Variants in RAB11FIP5 observed in about 807,000 individuals in gnomAD.
RAB11FIP5 encodes the protein rab11 family-interacting protein 5.
In RAB11FIP5, 48 loss-of-function variants were observed where a neutral mutation model predicts 85.1. That is an observed-to-expected ratio of 0.56 (90% CI 0.45 to 0.72). RAB11FIP5 has a LOEUF of 0.72. Ranked by LOEUF, RAB11FIP5 falls within the 30% of genes least tolerant of loss-of-function variation. The pLI is 0.00. For missense variants in RAB11FIP5, 1,491 were observed against 1,687.0 expected, an observed-to-expected ratio of 0.88 and a Z score of 2.04; for synonymous variants, 729 against 727.3, an observed-to-expected ratio of 1.00 and a Z score of -0.04.
chr2:73,107,630 C>T (rs1296827003), intron 1 of RAB11FIP5, among the ~76,000 whole-genome samples: 1 of 152,182 alleles, frequency 6.6e-6, no homozygotes, highest in Non-Finnish European at 1.5e-5. Flanking sequence ...AGGAGTCACA[C>T]TTCCTACCCC....
chr2:73,112,652 G>A lies in RAB11FIP5; in HGVS notation c.126C>T (p.Ser42=). 6.3e-7 allele frequency: 1 copy of A among 1,598,468 alleles called. No individual in the cohort carries two copies. Among genetic ancestry groups the A allele is most frequent in the African/African-American group, 1.4e-5 (1 of 73,324 alleles). The change falls in exon 1 of 6, where the codon AGC becomes AGT. Residue 42 remains serine (S), a synonymous_variant. Coordinates refer to ENST00000486777, the MANE Select transcript of RAB11FIP5 (RefSeq NM_001371272.1). ...RGKSSGAGST[S]DAYTVIQVGR... is the part of the protein sequence containing the mutation. ...CCACCTGGATCACCGTGTACGCGTC[G>A]CTGGTGCTGCCCGCTCCCGAGCTCT...
intron 3 of RAB11FIP5, among the ~76,000 whole-genome samples, chr2:73,082,336 C>G (rs779349124): frequency 5.3e-5 from 8 of 152,108 alleles, no homozygotes; most frequent in Non-Finnish European, 7.4e-5. Context: ...AAAGAAAACA[C>G]CAGCTGGCAT....
chr2:73,111,133 C>T (rs1684648371), intron 1 of RAB11FIP5, among the ~76,000 whole-genome samples: 1 of 152,108 alleles, frequency 6.6e-6, no homozygotes, highest in Admixed American at 6.5e-5. Flanking sequence ...CAGGTCACAG[C>T]CATGCCTGGA....
chr2:73,088,038 C>A lies in RAB11FIP5; in HGVS notation c.1568+12G>T. The A allele has an allele frequency of 6.3e-7, 1 of 1,575,806 alleles. No homozygotes were observed. Reference sequence around the variant, plus strand: ...TCCCCAAGGAGCAAAGTTGGTCTTGCCAACGACTTACCTGGGTTTCTGAGT... The same window carrying A: ...TCCCCAAGGAGCAAAGTTGGTCTTGACAACGACTTACCTGGGTTTCTGAGT... On this transcript the variant is annotated intron_variant, in intron 3 of 5. Coordinates refer to ENST00000486777, the MANE Select transcript of RAB11FIP5 (RefSeq NM_001371272.1).
chr2:73,089,458 G>T lies in RAB11FIP5; in HGVS notation c.432-143C>A. The T allele has an allele frequency of 1.2e-6, 1 of 846,062 alleles. No individual in the cohort carries two copies. Among genetic ancestry groups the T allele is most frequent in the Non-Finnish European group, 2.0e-6 (1 of 497,982 alleles). The allele number at this position is 846,062 out of a possible 1,614,324, so 52.4% of individuals were successfully genotyped here. On this transcript the variant is annotated intron_variant, in intron 1 of 5. Transcript: ENST00000486777. The surrounding 1 kb of genome is among the most constrained non-coding windows in gnomAD (Gnocchi z 4.6). Reference sequence around the variant, plus strand: ...CCAAAGGCTCCTGCTCTGACCCATCGGCCTGGGCTTCCAGGCTTCAGATGC... The same window carrying T: ...CCAAAGGCTCCTGCTCTGACCCATCTGCCTGGGCTTCCAGGCTTCAGATGC...
intron 1 of RAB11FIP5, among the ~76,000 whole-genome samples, chr2:73,111,967 C>T (rs756634511): frequency 2.0e-5 from 3 of 152,124 alleles, no homozygotes; most frequent in Non-Finnish European, 2.9e-5. Flanking sequence ...GCCCGCAGTT[C>T]CCCTCCCCTT....
At position 73,080,366 on chromosome 2, in the gene RAB11FIP5, G is replaced by A. The variant is rs200570782; in HGVS notation, c.2866C>T (p.Arg956Cys). Reference protein sequence around the residue: ...PPETKEEGEKRESEESDSCSS... With the variant: ...PPETKEEGEKCESEESDSCSS... ...CAGCTGTCAGACTCCTCCGACTCACGCTTCTCTCCCTCCTCCTTGGTCTCC... is the reference window on the plus strand; with the variant it reads ...CAGCTGTCAGACTCCTCCGACTCACACTTCTCTCCCTCCTCCTTGGTCTCC... Residue 956 changes from arginine (R) to cysteine (C), a missense_variant, in exon 4 of 6, where the codon CGT (arginine) becomes TGT (cysteine). By Grantham distance (180) the Arg-to-Cys change is radical (BLOSUM62 -3). Around this residue, in one of 3 missense-constraint regions of RAB11FIP5, gnomAD observed 1,211 missense variants for 1,338.0 expected, o/e 0.91. Transcript: ENST00000486777. 27 of 1,232,766 alleles carry A rather than the reference G, an allele frequency of 2.2e-5. No homozygotes were observed. In the East Asian group the frequency reaches 2.8e-4, roughly 13 times the overall value. 76.4% of individuals were successfully genotyped at this position (1,232,766 alleles called of 1,614,324 possible).
Position 73,089,974 on chromosome 2 carries a change from G to A in RAB11FIP5, c.432-659C>T, listed in dbSNP as rs563595096. Reference sequence around the variant, plus strand: ...TCAGGAATACCTCTACAAGATGCAGGAACAGACAAGAATGGCAGAAAGAGA... The same window carrying A: ...TCAGGAATACCTCTACAAGATGCAGAAACAGACAAGAATGGCAGAAAGAGA... On this transcript the variant is annotated intron_variant, in intron 1 of 5. Coordinates refer to ENST00000486777, the MANE Select transcript of RAB11FIP5 (RefSeq NM_001371272.1). This position sits in a 1 kb window ranked among gnomAD's most constrained non-coding sequence, Gnocchi z 4.6. Among the ~76,000 whole-genome samples the A allele has an allele frequency of 1.3e-5, 2 of 152,018 alleles. No individual in the cohort carries two copies. Among genetic ancestry groups the A allele is most frequent in the South Asian group, 2.1e-4 (1 of 4,812 alleles).
At chr2:73,099,302 G>C (rs1471060093) in intron 1 of RAB11FIP5, among the ~76,000 whole-genome samples, 3 of 151,964 alleles carry the variant, frequency 2.0e-5, no homozygotes, top group Admixed American at 2.0e-4. Context: ...TGCCCACCTC[G>C]GCCTCCCAAA....
At chr2:73,100,043 G>A (rs545635466) in intron 1 of RAB11FIP5, among the ~76,000 whole-genome samples, 20 of 152,290 alleles carry the variant, frequency 1.3e-4, no homozygotes, top group African/African-American at 4.8e-4. Context: ...TTCTAAAAGC[G>A]AAAGCAGGGC....
In RAB11FIP5 at chr2:73,077,984, G is replaced by T. The variant is rs1683896040; in HGVS notation, c.3581+1667C>A. Among the ~76,000 whole-genome samples, 2 of 152,238 alleles carry T rather than the reference G, an allele frequency of 1.3e-5. 1 individual carries two copies. Among genetic ancestry groups the T allele is most frequent in the South Asian group, 4.1e-4 (2 of 4,832 alleles). ...CCAGAGACTCTCAGGCTAGATCCAT[G>T]CATTCATTCTCACAAATCGGGAAGA... On this transcript the variant is annotated intron_variant, in intron 4 of 5. Transcript: ENST00000486777.
chr2:73,102,284 A>G (rs1684444665), intron 1 of RAB11FIP5, among the ~76,000 whole-genome samples: 1 of 152,142 alleles, frequency 6.6e-6, no homozygotes, highest in Admixed American at 6.5e-5. Context: ...GACTGACACT[A>G]TGCTGCAGGA....
At position 73,088,092 on chromosome 2, in the gene RAB11FIP5, C is replaced by A. The variant is rs751092757; in HGVS notation, c.1526G>T (p.Trp509Leu). The change falls in exon 3 of 6, where the codon TGG (tryptophan) becomes TTG (leucine). Residue 509 changes from tryptophan (W) to leucine (L), a missense_variant. Trp to Leu is a moderately conservative substitution (Grantham distance 61). Coordinates refer to ENST00000486777, the MANE Select transcript of RAB11FIP5 (RefSeq NM_001371272.1). ...SSGEEKAKSSWFGLREAKDPT... is the reference protein window; with the variant it reads ...SSGEEKAKSSLFGLREAKDPT... ...GTCCTTGGCTTCTCTCAAGCCAAACCAGCTACTCTTGGCCTTTTCCTCCCC... is the reference window on the plus strand; with the variant it reads ...GTCCTTGGCTTCTCTCAAGCCAAACAAGCTACTCTTGGCCTTTTCCTCCCC... 1.9e-6 allele frequency: 3 copies of A among 1,610,912 alleles called. No homozygotes were observed. The highest frequency in any genetic ancestry group is 2.5e-6 in the Non-Finnish European group (3 of 1,177,868).
intron 1 of RAB11FIP5, among the ~76,000 whole-genome samples, chr2:73,097,832 C>G (rs1484612136): frequency 1.3e-5 from 2 of 152,198 alleles, no homozygotes; most frequent in Non-Finnish European, 2.9e-5. Flanking sequence ...AGAAGATGCC[C>G]AACCAGATGT....
intron 1 of RAB11FIP5, among the ~76,000 whole-genome samples, chr2:73,107,203 C>T (rs1574306495): frequency 6.6e-6 from 1 of 152,204 alleles, no homozygotes; most frequent in Admixed American, 6.5e-5. Context: ...TTCATGGCTA[C>T]ACTATTTTGC....
chr2:73,087,331 C>G (rs1257453697), intron 3 of RAB11FIP5, among the ~76,000 whole-genome samples: 1 of 152,164 alleles, frequency 6.6e-6, no homozygotes, highest in East Asian at 1.9e-4. Flanking sequence ...AGGGTCTCTG[C>G]CCAGGGCCTG....
chr2:73,112,743 C>T lies in RAB11FIP5; in HGVS notation c.35G>A (p.Gly12Glu). 1 of 1,491,034 alleles carries T rather than the reference C, an allele frequency of 6.7e-7. No homozygotes were observed. Among genetic ancestry groups the T allele is most frequent in the African/African-American group, 1.5e-5 (1 of 68,630 alleles). 92.4% of individuals were successfully genotyped at this position (1,491,034 alleles called of 1,614,324 possible). The part of the protein sequence containing the change: ...ALVRGAEPAA[G>E]PSRWLPTHVQ... ...GTGCGTGGGCAGCCAGCGGGAAGGC[C>T]CCGCCGCCGGCTCCGCGCCCCGCAC... Residue 12 changes from glycine to glutamate, a missense_variant, in exon 1 of 6, where the codon GGG (glycine) becomes GAG (glutamate). Gly to Glu is a moderately conservative substitution (Grantham distance 98, BLOSUM62 -2). Around this residue, in one of 3 missense-constraint regions of RAB11FIP5, gnomAD observed 1,211 missense variants for 1,338.0 expected, o/e 0.91. Transcript: ENST00000486777.
intron 3 of RAB11FIP5, among the ~76,000 whole-genome samples, chr2:73,085,744 G>A (rs920333011): frequency 2.0e-5 from 3 of 152,064 alleles, no homozygotes; most frequent in African/African-American, 4.8e-5. Context: ...GCCTTTCTCT[G>A]GATACCATAC....
intron 1 of RAB11FIP5, among the ~76,000 whole-genome samples, chr2:73,101,387 G>A (rs1039301314): frequency 5.3e-5 from 8 of 152,290 alleles, no homozygotes; most frequent in Admixed American, 2.0e-4. Flanking sequence ...AATCACCTAC[G>A]AAGAGGCATT....
Sources: gnomAD v4.1 joint callset for allele counts (sites outside exome capture counted in the v4.1 genomes callset) on GRCh38, gnomAD v4.1.1 for gene constraint, gnomAD v4.1.1 regional missense constraint, Gnocchi (gnomAD v3.1) non-coding constraint, MANE v1.5 for transcripts, NCBI Gene and HGNC (gene_info 2026-07-23, HGNC 2026-07-21) for gene names.